Variants in FER1L6 observed in about 807,000 individuals in gnomAD.
FER1L6 encodes the protein fer-1 like family member 6.
FER1L6 carries 177 observed loss-of-function variants against 219.2 expected under a neutral mutation model. That is an observed-to-expected ratio of 0.81 (90% CI 0.71 to 0.91). The LOEUF (loss-of-function observed/expected upper bound fraction) is 0.91. FER1L6 is among the 40% of genes least tolerant of loss of function. FER1L6 has a pLI of 0.00. For synonymous variants in FER1L6, 768 were observed against 824.3 expected, an observed-to-expected ratio of 0.93 and a Z score of 1.17; for missense variants, 2,153 against 2,259.9, an observed-to-expected ratio of 0.95 and a Z score of 0.96.
intron 32 of FER1L6, among the ~76,000 whole-genome samples, chr8:124,080,205 T>C (rs1821477854): frequency 6.6e-6 from 1 of 152,136 alleles, no homozygotes; most frequent in Non-Finnish European, 1.5e-5. Context: ...TCATGATGCA[T>C]TCTGTTTTCC....
intron 1 of FER1L6, among the ~76,000 whole-genome samples, chr8:123,890,343 G>A (rs1812618456): frequency 2.0e-5 from 3 of 151,994 alleles, no homozygotes; most frequent in African/African-American, 7.2e-5. Context: ...AGCCTCAAAA[G>A]TTGACTGAGT....
chr8:123,919,571 C>G (rs1292945299), intron 1 of FER1L6, among the ~76,000 whole-genome samples: 1 of 152,190 alleles, frequency 6.6e-6, no homozygotes, highest in East Asian at 1.9e-4. Flanking sequence ...ACCTTGGGAA[C>G]AGTAAGCCAT....
chr8:124,097,108 C>CT (rs1304817643), intron 35 of FER1L6, among the ~76,000 whole-genome samples, 163 bp from the exon 36 acceptor site: 3 of 148,644 alleles, frequency 2.0e-5, no homozygotes, highest in Non-Finnish European at 3.0e-5. Flanking sequence ...TACATACATA[C>CT]TTTTTTTGTC....
intron 6 of FER1L6, among the ~76,000 whole-genome samples, chr8:123,972,819 C>G (rs1464867791): frequency 6.6e-6 from 1 of 152,214 alleles, no homozygotes; most frequent in Non-Finnish European, 1.5e-5. Flanking sequence ...AGCAGTTTCT[C>G]ATACGTTGTG....
At chr8:123,893,237 A>T (rs7831101) in intron 1 of FER1L6, among the ~76,000 whole-genome samples, 89,130 of 151,942 alleles carry the variant, frequency 0.59, 26,292 homozygotes, top group South Asian at 0.74. Flanking sequence ...AACTCTTGAA[A>T]GCAGGTTTCG....
Position 124,067,714 on chromosome 8 carries a change from CAATT to C in FER1L6, c.3679-49_3679-46del, listed in dbSNP as rs1319494580. ...GAGGGCTGAGATAATTGTTAGCAGTCAATTAATAAATCAAGTATTGTGGTGTCAA... is the reference window on the plus strand; with the variant it reads ...GAGGGCTGAGATAATTGTTAGCAGTCAATAAATCAAGTATTGTGGTGTCAA... On this transcript the variant is annotated intron_variant, in intron 27 of 40. Transcript: ENST00000522917. The C allele has an allele frequency of 4.1e-6, 6 of 1,452,032 alleles. No individual in the cohort carries two copies. The African/African-American group carries it at 8.8e-5, about 21-fold the overall frequency. The allele number at this position is 1,452,032 out of a possible 1,614,324, so 89.9% of individuals were successfully genotyped here. A position where few individuals can be genotyped will look rare whatever the true frequency, so the allele number is the denominator to read the frequency against.
rs1813222771 is a variant in FER1L6, at chr8:123,917,436, G to A, written c.-7-38556G>A. Among the ~76,000 whole-genome samples the A allele has an allele frequency of 2.6e-5, 4 of 152,180 alleles. No homozygotes were observed. In the South Asian group the frequency reaches 8.3e-4, roughly 32 times the overall value. On this transcript the variant is annotated intron_variant, in intron 1 of 40. Coordinates refer to ENST00000522917, the MANE Select transcript of FER1L6 (RefSeq NM_001039112.2). ...GCTGTGCACTCTAACATTCAGTAAG[G>A]ACCTTCCGCACTTCAGGTATTCATG...
At chr8:124,082,488 G>A (rs370957273) in intron 33 of FER1L6, 30 bp downstream of exon 33, 1 of 1,603,330 alleles carries the variant, frequency 6.2e-7, no homozygotes, top group African/African-American at 1.3e-5. Flanking sequence ...GAGACACTTG[G>A]TATTCTGAAG....
intron 34 of FER1L6, among the ~76,000 whole-genome samples, chr8:124,093,789 C>T (rs10113693): frequency 0.81 from 122,898 of 151,216 alleles, 50,123 homozygotes; most frequent in Non-Finnish European, 0.86. Flanking sequence ...ATTTTTATTA[C>T]TTTAATTATT....
chr8:124,037,828 C>T (rs1180426209), intron 19 of FER1L6, among the ~76,000 whole-genome samples: 2 of 152,130 alleles, frequency 1.3e-5, no homozygotes, highest in Non-Finnish European at 2.9e-5. Flanking sequence ...GGGTCAAGTC[C>T]TATAGCAACA....
chr8:124,062,738 C>G (rs1183775843), intron 25 of FER1L6, among the ~76,000 whole-genome samples: 1 of 152,162 alleles, frequency 6.6e-6, no homozygotes, highest in Non-Finnish European at 1.5e-5. Context: ...TGTGTGTGTT[C>G]CCTGAGGGAA....
At chr8:124,099,967 T>A (rs1018371792) in intron 37 of FER1L6, among the ~76,000 whole-genome samples, 2 of 152,156 alleles carry the variant, frequency 1.3e-5, no homozygotes, top group Non-Finnish European at 2.9e-5. Flanking sequence ...TATGACTCCA[T>A]GAAGCAAGGA....
At chr8:123,969,867 CAAA>C (rs369712009) in intron 5 of FER1L6, among the ~76,000 whole-genome samples, 165 bp from the exon 6 acceptor site, 12 of 71,972 alleles carry the variant, frequency 1.7e-4, no homozygotes, top group East Asian at 4.0e-4. Flanking sequence ...ACCCTGTCTC[CAAA>C]AAAAAAAAAA....
At chr8:123,970,150 C>A in intron 6 of FER1L6, 53 bp downstream of exon 6, 2 of 1,500,520 alleles carry the variant, frequency 1.3e-6, no homozygotes, top group Non-Finnish European at 1.9e-6. Flanking sequence ...ACATTTTGGG[C>A]ATTGGGGACT....
At chr8:123,898,813 A>G (rs1812806055) in intron 1 of FER1L6, among the ~76,000 whole-genome samples, 1 of 76,332 alleles carries the variant, frequency 1.3e-5, no homozygotes, top group Admixed American at 1.4e-4. Context: ...ACACATATAT[A>G]TACATATGTG....
intron 14 of FER1L6, among the ~76,000 whole-genome samples, chr8:124,012,367 C>A (rs1191950124): frequency 6.6e-6 from 1 of 152,230 alleles, no homozygotes; most frequent in African/African-American, 2.4e-5. Context: ...TCTCTTCAGA[C>A]AGAACAGATC....
chr8:124,116,611 G>A (rs1022098443), intron 39 of FER1L6, among the ~76,000 whole-genome samples: 1 of 152,232 alleles, frequency 6.6e-6, no homozygotes, highest in Non-Finnish European at 1.5e-5. Flanking sequence ...AGAGAACAAA[G>A]GGGCAGCTGC....
chr8:123,963,583 C>A (rs1269011814), intron 3 of FER1L6, among the ~76,000 whole-genome samples, 185 bp downstream of exon 3: 1 of 152,198 alleles, frequency 6.6e-6, no homozygotes, highest in Non-Finnish European at 1.5e-5. Context: ...CCTCTTGATA[C>A]CGTTCAGCCT....
At chr8:123,911,705 C>T (rs1813049438) in intron 1 of FER1L6, among the ~76,000 whole-genome samples, 1 of 152,086 alleles carries the variant, frequency 6.6e-6, no homozygotes, top group African/African-American at 2.4e-5. Flanking sequence ...GAAACAGAGT[C>T]CCGGAGTTGT....
Sources: allele counts gnomAD v4.1 joint callset (sites outside exome capture counted in the v4.1 genomes callset), GRCh38; gene constraint gnomAD v4.1.1; transcripts MANE v1.5; gene names NCBI Gene and HGNC (gene_info 2026-07-23, HGNC 2026-07-21).